LIN7A: variants seen among roughly 807,000 people sequenced by gnomAD.
LIN7A encodes protein lin-7 homolog A.
A neutral mutation model predicts 29.8 loss-of-function variants in LIN7A; 25 were observed. That is an observed-to-expected ratio of 0.84 (90% CI 0.61 to 1.17). The LOEUF (loss-of-function observed/expected upper bound fraction) is 1.17, where lower values mean the gene tolerates loss of function less well. Ranked by LOEUF, LIN7A falls within the 50% of genes most tolerant of loss-of-function variation. The pLI is 0.00. For missense variants in LIN7A, 239 were observed against 287.0 expected (o/e 0.83, Z 1.21); for synonymous variants, 118 against 107.5 (o/e 1.10, Z -0.60).
At chr12:80,856,721 C>T (rs965735623) in intron 2 of LIN7A, among the ~76,000 whole-genome samples, 2 of 152,164 alleles carry the variant, frequency 1.3e-5, no homozygotes, top group East Asian at 3.8e-4. Context: ...TAATATATCA[C>T]TATTGTCTTC....
In LIN7A at chr12:80,807,076, T is replaced by TTTTTTTTTTTTGTTG. The variant is rs1565883806; in HGVS notation, c.*4388_*4389insCAACAAAAAAAAAAA. On this transcript the variant is annotated intron_variant, in intron 5 of 5. Transcript: ENST00000552864. Reference sequence around the variant, plus strand: ...AATGAAGATGGAGTTTTTTTTTTTTTTTTTTTTTTTTTTTTGACGGAGTCT... The same window carrying TTTTTTTTTTTTGTTG: ...AATGAAGATGGAGTTTTTTTTTTTTTTTTTTTTTTTTGTTGTTTTTTTTTTTTTTTGACGGAGTCT... Among the ~76,000 whole-genome samples the TTTTTTTTTTTTGTTG allele has an allele frequency of 7.1e-4, 89 of 126,066 alleles. 7 individuals are homozygous for TTTTTTTTTTTTGTTG. The highest frequency in any genetic ancestry group is 2.7e-3 in the African/African-American group (83 of 30,196). The allele number at this position is 126,066 out of a possible 152,430, so 82.7% of individuals were successfully genotyped here.
chr12:80,872,161 T>C (rs1257256401), intron 2 of LIN7A, among the ~76,000 whole-genome samples: 2 of 152,112 alleles, frequency 1.3e-5, no homozygotes, highest in Admixed American at 6.5e-5. Context: ...TTTTATGCCA[T>C]TGTGATTAAA....
chr12:80,863,697 T>C (rs1298284482), intron 2 of LIN7A, among the ~76,000 whole-genome samples: 1 of 152,194 alleles, frequency 6.6e-6, no homozygotes, highest in African/African-American at 2.4e-5. Flanking sequence ...ATAGTCCTCT[T>C]AACATAGAAA....
At chr12:80,852,274 C>G (rs1454469331) in intron 2 of LIN7A, among the ~76,000 whole-genome samples, 1 of 151,906 alleles carries the variant, frequency 6.6e-6, no homozygotes, top group East Asian at 1.9e-4. Context: ...ATTTATTTAC[C>G]AAGTTTACAT....
intron 1 of LIN7A, among the ~76,000 whole-genome samples, chr12:80,925,012 A>T (rs1592954593): frequency 1.3e-5 from 2 of 152,350 alleles, no homozygotes; most frequent in East Asian, 3.9e-4. Context: ...TCTTGAATAA[A>T]AAATGTCAGT....
At chr12:80,814,196 T>A (rs991343474) in intron 4 of LIN7A, among the ~76,000 whole-genome samples, 1 of 152,224 alleles carries the variant, frequency 6.6e-6, no homozygotes, top group Non-Finnish European at 1.5e-5. Flanking sequence ...TTATGAATTA[T>A]AGTCTACTAC....
chr12:80,929,126 T>C (rs1877753434), intron 1 of LIN7A, among the ~76,000 whole-genome samples: 1 of 152,162 alleles, frequency 6.6e-6, no homozygotes, highest in African/African-American at 2.4e-5. Flanking sequence ...GTCTTTGATA[T>C]TACCTTCAAT....
intron 1 of LIN7A, among the ~76,000 whole-genome samples, chr12:80,927,047 T>A (rs987339046): frequency 1.3e-5 from 2 of 151,740 alleles, no homozygotes; most frequent in South Asian, 4.1e-4. Flanking sequence ...CAGATATTAA[T>A]GTTATCTTTC....
chr12:80,866,024 G>T (rs763348232), intron 2 of LIN7A, among the ~76,000 whole-genome samples: 11 of 152,150 alleles, frequency 7.2e-5, no homozygotes, highest in Non-Finnish European at 1.6e-4. Context: ...TTTAAAAAGG[G>T]TGTGCATGTG....
chr12:80,829,734 T>A (rs1426930380), intron 4 of LIN7A, among the ~76,000 whole-genome samples: 1 of 152,210 alleles, frequency 6.6e-6, no homozygotes, highest in East Asian at 1.9e-4. Context: ...GTACAATTAC[T>A]GTTGATCTTA....
chr12:80,816,410 CA>C (rs145507202), intron 4 of LIN7A, among the ~76,000 whole-genome samples: 14,786 of 138,832 alleles, frequency 0.11, 786 homozygotes, highest in East Asian at 0.2. Context: ...GACTCTGTCT[CA>C]AAAAAAAAAA....
chr12:80,822,971 A>G (rs1164051333), intron 4 of LIN7A, among the ~76,000 whole-genome samples: 1 of 152,124 alleles, frequency 6.6e-6, no homozygotes, highest in Admixed American at 6.5e-5. Flanking sequence ...CTATGGACCA[A>G]TCAGCATGCA....
intron 1 of LIN7A, among the ~76,000 whole-genome samples, chr12:80,929,766 A>G (rs1877792371): frequency 6.6e-6 from 1 of 152,152 alleles, no homozygotes; most frequent in Admixed American, 6.5e-5. Flanking sequence ...AAATATATAT[A>G]TGGGCCAAGA....
At chr12:80,916,945 C>A (rs1161523040) in intron 1 of LIN7A, among the ~76,000 whole-genome samples, 1 of 152,112 alleles carries the variant, frequency 6.6e-6, no homozygotes, top group Non-Finnish European at 1.5e-5. Context: ...TTTGGGACAT[C>A]TTAAGTAGAA....
At chr12:80,816,387 G>C (rs1353828288) in intron 4 of LIN7A, among the ~76,000 whole-genome samples, 1 of 150,890 alleles carries the variant, frequency 6.6e-6, no homozygotes, top group Non-Finnish European at 1.5e-5. Flanking sequence ...CTCTAGCCTA[G>C]GCAACAGAGC....
At chr12:80,890,504 A>T (rs1477845373) in intron 1 of LIN7A, among the ~76,000 whole-genome samples, 1 of 152,184 alleles carries the variant, frequency 6.6e-6, no homozygotes, top group Non-Finnish European at 1.5e-5. Context: ...TGAGAAAGAA[A>T]TATAATAGCA....
intron 5 of LIN7A, among the ~76,000 whole-genome samples, chr12:80,807,370 C>T (rs1039883720): frequency 2.0e-5 from 3 of 151,704 alleles, no homozygotes; most frequent in Non-Finnish European, 2.9e-5. Context: ...GCACCTGGCC[C>T]GAAGATGGAG....
chr12:80,919,139 A>G (rs1267312447), intron 1 of LIN7A, among the ~76,000 whole-genome samples: 7 of 152,232 alleles, frequency 4.6e-5, no homozygotes, highest in Admixed American at 3.9e-4. Flanking sequence ...TAAGGAATGC[A>G]TGCCGGTAGT....
At chr12:80,827,598 A>G (rs1044652822) in intron 4 of LIN7A, among the ~76,000 whole-genome samples, 1 of 152,172 alleles carries the variant, frequency 6.6e-6, no homozygotes, top group South Asian at 2.1e-4. Context: ...AGGTCCAATT[A>G]TATTTCCTAA....
Sources: allele counts gnomAD v4.1 joint callset (sites outside exome capture counted in the v4.1 genomes callset), GRCh38; gene constraint gnomAD v4.1.1; transcripts MANE v1.5; gene names NCBI Gene and HGNC (gene_info 2026-07-23, HGNC 2026-07-21).